The following ASB15 variants were observed in gnomAD, a reference collection of about 807,000 sequenced individuals.
The protein encoded by ASB15 is ankyrin repeat and SOCS box protein 15.
In ASB15, 54 loss-of-function variants were observed where a neutral mutation model predicts 58.0. That is an observed-to-expected ratio of 0.93 (90% CI 0.75 to 1.17). ASB15 has a LOEUF of 1.17. ASB15 is among the 50% of genes most tolerant of loss of function. The pLI is 0.00. For missense variants in ASB15, 680 were observed against 707.4 expected, an observed-to-expected ratio of 0.96 and a Z score of 0.44; for synonymous variants, 249 against 262.4, an observed-to-expected ratio of 0.95 and a Z score of 0.50.
At chr7:123,636,683 C>G in intron 11 of ASB15, 126 bp from the exon 12 acceptor site, 1 of 729,738 alleles carries the variant, frequency 1.4e-6, no homozygotes, top group Non-Finnish European at 2.2e-6. Context: ...TTAAAATCAC[C>G]AGTTGCTAAA....
chr7:123,576,449 T>C (rs1799068191), intron 1 of ASB15, among the ~76,000 whole-genome samples: 1 of 152,154 alleles, frequency 6.6e-6, no homozygotes, highest in South Asian at 2.1e-4. Context: ...GTTTTGCTTT[T>C]TTCTATATTT....
At chr7:123,587,371 A>G (rs1269831293) in intron 1 of ASB15, among the ~76,000 whole-genome samples, 1 of 151,584 alleles carries the variant, frequency 6.6e-6, no homozygotes, top group Non-Finnish European at 1.5e-5. Context: ...TAGAAATACT[A>G]CTAATTTCTG....
At chr7:123,596,691 C>T (rs779104838) in intron 1 of ASB15, among the ~76,000 whole-genome samples, 2 of 151,976 alleles carry the variant, frequency 1.3e-5, no homozygotes, top group African/African-American at 2.4e-5. Flanking sequence ...AAGTTTTCTT[C>T]GTTAAATTTA....
At chr7:123,623,304 T>C (rs919452442) in intron 7 of ASB15, 2 of 152,220 alleles carry the variant, frequency 1.3e-5, no homozygotes, top group African/African-American at 4.8e-5. Flanking sequence ...CTAATCTGTA[T>C]TTTAATAAGA....
chr7:123,614,524 G>C lies in ASB15; in HGVS notation c.22G>C (p.Asp8His). 1.2e-6 allele frequency: 2 copies of C among 1,606,662 alleles called. No individual in the cohort carries two copies. The highest frequency in any genetic ancestry group is 1.7e-6 in the Non-Finnish European group (2 of 1,173,714). ...AGGAATGGATACTAATGATGACCCT[G>C]ATGAAGACCATCTTACAAGTTATGA... is the stretch of plus-strand genomic sequence containing the variant. MDTNDDP[D>H]EDHLTSYDIQ... The change falls in exon 4 of 12, where the codon GAT (aspartate) becomes CAT (histidine). Residue 8 changes from aspartate to histidine, a missense_variant. Coordinates refer to ENST00000451215, the MANE Select transcript of ASB15 (RefSeq NM_001290258.2).
chr7:123,571,964 G>T (rs2116272846), intron 1 of ASB15, among the ~76,000 whole-genome samples: 1 of 151,600 alleles, frequency 6.6e-6, no homozygotes, highest in African/African-American at 2.4e-5. Context: ...TAGAGATGGA[G>T]GTCTCACTAC....
At chr7:123,619,499 G>A (rs1303966059) in intron 7 of ASB15, among the ~76,000 whole-genome samples, 7 of 152,028 alleles carry the variant, frequency 4.6e-5, no homozygotes, top group East Asian at 1.9e-4. Flanking sequence ...TCCACGGCAC[G>A]GTGTCATTTT....
chr7:123,615,788 G>A (rs1464155288), intron 4 of ASB15, among the ~76,000 whole-genome samples: 1 of 152,090 alleles, frequency 6.6e-6, no homozygotes, highest in African/African-American at 2.4e-5. Context: ...TTTGAGCATA[G>A]AGTGTTTAAA....
At chr7:123,596,861 A>G (rs1029632497), upstream of ASB15, among the ~76,000 whole-genome samples, 9 of 152,296 alleles carry the variant, frequency 5.9e-5, 1 homozygote, top group East Asian at 1.2e-3. Flanking sequence ...ACAATACTGA[A>G]TTTTCAATAA....
chr7:123,571,965 G>T (rs889544441), intron 1 of ASB15, among the ~76,000 whole-genome samples: 4 of 151,472 alleles, frequency 2.6e-5, no homozygotes, highest in Non-Finnish European at 5.9e-5. Context: ...AGAGATGGAG[G>T]TCTCACTACA....
upstream of ASB15, among the ~76,000 whole-genome samples, chr7:123,599,656 A>T (rs908039967): frequency 6.6e-6 from 1 of 152,180 alleles, no homozygotes; most frequent in Admixed American, 6.5e-5. Context: ...AGGTGGGTCC[A>T]AGGACAGTTC....
intron 11 of ASB15, among the ~76,000 whole-genome samples, chr7:123,631,672 C>T (rs1802124039): frequency 6.6e-6 from 1 of 152,118 alleles, no homozygotes; most frequent in Non-Finnish European, 1.5e-5. Flanking sequence ...GATCTAACCA[C>T]CATATTTTGA....
chr7:123,612,221 G>GCAA (rs1800507097), intron 3 of ASB15: 1 of 152,192 alleles, frequency 6.6e-6, no homozygotes, highest in Non-Finnish European at 1.5e-5. Context: ...TACTGGTGCT[G>GCAA]GCTGACAGAT....
chr7:123,616,337 A>G (rs758058698), intron 5 of ASB15, 27 bp from the exon 6 acceptor site: 2 of 1,610,316 alleles, frequency 1.2e-6, no homozygotes, highest in Non-Finnish European at 1.7e-6. Flanking sequence ...AACAGAGATT[A>G]GTCATCAGTC....
intron 1 of ASB15, among the ~76,000 whole-genome samples, chr7:123,568,370 A>T (rs1798815915): frequency 6.6e-6 from 1 of 151,946 alleles, no homozygotes; most frequent in Non-Finnish European, 1.5e-5. Flanking sequence ...AAAATACAAA[A>T]TTAGCCGGGC....
intron 11 of ASB15, among the ~76,000 whole-genome samples, chr7:123,633,782 T>A (rs944530761): frequency 9.8e-5 from 15 of 152,294 alleles, no homozygotes; most frequent in Admixed American, 7.8e-4. Context: ...GGTTGTTTTG[T>A]TTTGTTTTTG....
At chr7:123,616,173 C>A in intron 4 of ASB15, 48 bp from the exon 5 acceptor site, 2 of 1,415,102 alleles carry the variant, frequency 1.4e-6, no homozygotes, top group Non-Finnish European at 2.0e-6. Flanking sequence ...GTTCCTTGAA[C>A]TATATCACTA....
At chr7:123,572,143 T>C (rs889417640) in intron 1 of ASB15, among the ~76,000 whole-genome samples, 29 of 129,854 alleles carry the variant, frequency 2.2e-4, no homozygotes, top group Admixed American at 3.1e-4. Flanking sequence ...TTTTTTTTTT[T>C]TTTTTTTTTT....
chr7:123,567,533 C>G (rs892431363), intron 1 of ASB15, among the ~76,000 whole-genome samples: 1 of 152,178 alleles, frequency 6.6e-6, no homozygotes, highest in Non-Finnish European at 1.5e-5. Context: ...GATGCAAGCT[C>G]TTTTGTGAGG....
Sources: allele counts gnomAD v4.1 joint callset (sites outside exome capture counted in the v4.1 genomes callset), GRCh38; gene constraint gnomAD v4.1.1; transcripts MANE v1.5; gene names NCBI Gene and HGNC (gene_info 2026-07-23, HGNC 2026-07-21).